The following MSRA variants were observed in gnomAD, a reference collection of about 807,000 sequenced individuals.
The protein encoded by MSRA is mitochondrial peptide methionine sulfoxide reductase.
MSRA carries 54 observed loss-of-function variants against 31.3 expected under a neutral mutation model. That is an observed-to-expected ratio of 1.73 (90% CI 1.39 to 2.17). MSRA has a LOEUF of 2.17. MSRA is among the 30% of genes most tolerant of loss of function. MSRA has a pLI of 0.00. For missense variants in MSRA, 507 were observed against 300.9 expected, an observed-to-expected ratio of 1.69 and a Z score of -5.07; for synonymous variants, 169 against 116.5, an observed-to-expected ratio of 1.45 and a Z score of -2.90.
At chr8:10,393,635 G>C (rs28712068) in intron 5 of MSRA, among the ~76,000 whole-genome samples, 58,441 of 152,124 alleles carry the variant, frequency 0.38, 12,614 homozygotes, top group Non-Finnish European at 0.5. Flanking sequence ...CTGTGCATGT[G>C]ATTATAGCGC....
chr8:10,287,055 C>T (rs555940896), intron 3 of MSRA, among the ~76,000 whole-genome samples: 7 of 152,306 alleles, frequency 4.6e-5, no homozygotes, highest in Admixed American at 6.5e-5. Context: ...ATTGTTGAAA[C>T]GTTTGGTGTG....
intron 1 of MSRA, among the ~76,000 whole-genome samples, chr8:10,090,316 C>A (rs1397724256): frequency 1.3e-5 from 2 of 152,122 alleles, no homozygotes; most frequent in South Asian, 2.1e-4. Flanking sequence ...TGGATGGAAT[C>A]AGGAATGCTG....
chr8:10,340,544 T>C (rs1334588446), intron 5 of MSRA, among the ~76,000 whole-genome samples: 1 of 152,222 alleles, frequency 6.6e-6, no homozygotes, highest in Non-Finnish European at 1.5e-5. Flanking sequence ...AGCTAGTTTT[T>C]GTATTTTTGG....
intron 1 of MSRA, among the ~76,000 whole-genome samples, chr8:10,161,693 C>T (rs1804663333): frequency 6.6e-6 from 1 of 151,974 alleles, no homozygotes; most frequent in African/African-American, 2.4e-5. Flanking sequence ...CCGGGTTCTG[C>T]ATCTGGGGTC....
intron 2 of MSRA, among the ~76,000 whole-genome samples, chr8:10,223,137 G>A (rs1036253552): frequency 7.9e-5 from 12 of 152,114 alleles, no homozygotes; most frequent in South Asian, 2.1e-4. Flanking sequence ...ACAGATACAC[G>A]TCCTTCCTAG....
intron 1 of MSRA, among the ~76,000 whole-genome samples, chr8:10,150,410 TTATC>T (rs2129036292): frequency 6.6e-6 from 1 of 152,308 alleles, no homozygotes; most frequent in Admixed American, 6.5e-5. Flanking sequence ...ATTATATTAA[TTATC>T]TATTCAGTGA....
chr8:10,056,990 C>T (rs1210153884), intron 1 of MSRA, among the ~76,000 whole-genome samples: 1 of 152,184 alleles, frequency 6.6e-6, no homozygotes, highest in Non-Finnish European at 1.5e-5. Context: ...GGATTACCAT[C>T]TTAGCGTTCA....
intron 1 of MSRA, among the ~76,000 whole-genome samples, chr8:10,067,804 T>C (rs976640429): frequency 3.9e-5 from 6 of 152,170 alleles, no homozygotes; most frequent in Admixed American, 3.9e-4. Context: ...TTTGCCATAT[T>C]ATGTTTTCTT....
In MSRA at chr8:10,054,626, T is replaced by C; in HGVS notation, c.110T>C (p.Leu37Ser). ...AACATCGTCAGCCCCCAGGAGGCCT[T>C]GCCGGGCCGGAAGGAACAGACCCCT... The part of the protein sequence containing the change: ...ASNIVSPQEA[L>S]PGRKEQTPVA... The change falls in exon 1 of 6, where the codon TTG (leucine) becomes TCG (serine). Residue 37 changes from leucine to serine, a missense_variant. By Grantham distance (145) the Leu-to-Ser change is moderately radical. Transcript: ENST00000317173. 3 of 1,576,722 alleles carry C rather than the reference T, an allele frequency of 1.9e-6. No homozygotes were observed. Among genetic ancestry groups the C allele is most frequent in the Non-Finnish European group, 2.6e-6 (3 of 1,162,082 alleles).
intron 3 of MSRA, among the ~76,000 whole-genome samples, chr8:10,291,090 G>C (rs550661161): frequency 9.2e-5 from 14 of 152,132 alleles, no homozygotes; most frequent in South Asian, 2.1e-4. Context: ...CTACTTCTAC[G>C]TACTGGTTTT....
At chr8:10,079,578 G>C (rs1798177692) in intron 1 of MSRA, among the ~76,000 whole-genome samples, 2 of 152,150 alleles carry the variant, frequency 1.3e-5, no homozygotes, top group South Asian at 4.1e-4. Context: ...AAAACTGACT[G>C]GTCTTAAGTG....
At chr8:10,395,625 T>A (rs1807048727) in intron 5 of MSRA, among the ~76,000 whole-genome samples, 1 of 152,194 alleles carries the variant, frequency 6.6e-6, no homozygotes, top group South Asian at 2.1e-4. Flanking sequence ...TCATCTCAGC[T>A]TGGCATGCGA....
At chr8:10,152,011 G>A (rs955177956) in intron 1 of MSRA, among the ~76,000 whole-genome samples, 2 of 152,216 alleles carry the variant, frequency 1.3e-5, no homozygotes, top group African/African-American at 4.8e-5. Context: ...AAAGAAAACT[G>A]AGGGTGCTTC....
In MSRA at chr8:10,348,357, CTTTTTTTTTTTTTTTT is replaced by C. The variant is rs34083972; in HGVS notation, c.543+28378_543+28393del. On this transcript the variant is annotated intron_variant, in intron 5 of 5. Transcript: ENST00000317173. The stretch of plus-strand genomic sequence containing the variant: ...CCAACTTATATCCAGAAATTATTGC[CTTTTTTTTTTTTTTTT>C]TTTTTTTTTGGACAGAGTCTTGCTC... 6.2e-5 allele frequency among the ~76,000 whole-genome samples: 4 copies of C among 64,240 alleles called. No homozygotes were observed. The South Asian group carries it at 3.2e-3, about 52-fold the overall frequency. The allele number at this position is 64,240 out of a possible 152,430, so 42.1% of individuals were successfully genotyped here.
intron 1 of MSRA, among the ~76,000 whole-genome samples, chr8:10,123,864 T>C (rs1242493838): frequency 6.6e-6 from 1 of 152,056 alleles, no homozygotes; most frequent in Non-Finnish European, 1.5e-5. Context: ...ATGCTTTTTT[T>C]TTTCTTTCTT....
At chr8:10,333,747 G>A (rs1240867653) in intron 5 of MSRA, among the ~76,000 whole-genome samples, 2 of 149,708 alleles carry the variant, frequency 1.3e-5, no homozygotes, top group Non-Finnish European at 3.0e-5. Flanking sequence ...TTCGCATCAC[G>A]CTTGGCTTGC....
At chr8:10,228,562 G>C (rs1309471762) in intron 2 of MSRA, among the ~76,000 whole-genome samples, 1 of 152,216 alleles carries the variant, frequency 6.6e-6, no homozygotes, top group Non-Finnish European at 1.5e-5. Flanking sequence ...CGGGGAGGCT[G>C]TTAATTCAGC....
At chr8:10,377,688 C>T (rs146000432) in intron 5 of MSRA, among the ~76,000 whole-genome samples, 2 of 152,210 alleles carry the variant, frequency 1.3e-5, no homozygotes, top group South Asian at 4.1e-4. Context: ...GTGTCTTTCA[C>T]AGCACTGCAG....
intron 5 of MSRA, among the ~76,000 whole-genome samples, chr8:10,377,954 G>A (rs17151843): frequency 0.12 from 17,545 of 152,262 alleles, 1,233 homozygotes; most frequent in African/African-American, 0.2. Flanking sequence ...GGCAGCAGGC[G>A]TGTGACTCCC....
Sources: allele counts gnomAD v4.1 joint callset (sites outside exome capture counted in the v4.1 genomes callset), GRCh38; gene constraint gnomAD v4.1.1; transcripts MANE v1.5; gene names NCBI Gene and HGNC (gene_info 2026-07-23, HGNC 2026-07-21).